Variants in MALRD1 observed in about 807,000 individuals in gnomAD.
MALRD1 encodes MAM and LDL receptor class A domain containing 1.
A neutral mutation model predicts 242.1 loss-of-function variants in MALRD1; 247 were observed. The observed-to-expected ratio is 1.02, with a 90% CI of 0.92 to 1.13. MALRD1 has a LOEUF of 1.13. MALRD1 is among the 50% of genes most tolerant of loss of function. The pLI is 0.00. For missense variants in MALRD1, 2,989 were observed against 2,533.1 expected (o/e 1.18, Z -3.86); for synonymous variants, 995 against 866.6 (o/e 1.15, Z -2.60).
chr10:19,695,566 C>A (rs1375835082), intron 38 of MALRD1, among the ~76,000 whole-genome samples: 2 of 144,950 alleles, frequency 1.4e-5, no homozygotes, highest in East Asian at 2.0e-4. Flanking sequence ...GTTGCCCAGG[C>A]TGGAGTGCAG....
Position 19,136,592 on chromosome 10 carries a change from C to G in MALRD1, c.1222C>G (p.Leu408Val), listed in dbSNP as rs546836877. Residue 408 changes from leucine to valine, a missense_variant, in exon 10 of 40, where the codon CTT becomes GTT. By Grantham distance (32) the Leu-to-Val change is conservative. Coordinates refer to ENST00000454679, the MANE Select transcript of MALRD1 (RefSeq NM_001142308.3). ...CCTAAAGATTATTTTTGAAGGGACT[C>G]TTTTGAGCCAGAGAAGTTTTATTGC... ...KTFKIIFEGT[L>V]LSQRSFIALD... is the part of the protein sequence containing the mutation. 9 of 1,231,314 alleles carry G rather than the reference C, an allele frequency of 7.3e-6. No individual in the cohort carries two copies. The highest frequency in any genetic ancestry group is 6.3e-5 in the East Asian group (2 of 31,712). The allele number at this position is 1,231,314 out of a possible 1,614,324, so 76.3% of individuals were successfully genotyped here.
At chr10:19,366,508 T>A (rs1288310857) in intron 26 of MALRD1, among the ~76,000 whole-genome samples, 1 of 152,166 alleles carries the variant, frequency 6.6e-6, no homozygotes, top group Non-Finnish European at 1.5e-5. Context: ...TACCAGTCTG[T>A]GGCCCAGGGT....
At chr10:19,525,390 C>T (rs1834061176) in intron 31 of MALRD1, among the ~76,000 whole-genome samples, 1 of 152,018 alleles carries the variant, frequency 6.6e-6, no homozygotes, top group Non-Finnish European at 1.5e-5. Context: ...AAAAAATGTC[C>T]ATGAAGCATA....
At chr10:19,685,330 C>T (rs11011072) in intron 36 of MALRD1, among the ~76,000 whole-genome samples, 47,300 of 152,094 alleles carry the variant, frequency 0.31, 8,081 homozygotes, top group Admixed American at 0.44. Context: ...ATTCCCCAGC[C>T]GTGGCTTGTC....
intron 36 of MALRD1, among the ~76,000 whole-genome samples, chr10:19,641,201 A>T (rs1840371261): frequency 6.6e-6 from 1 of 152,198 alleles, no homozygotes; most frequent in Non-Finnish European, 1.5e-5. Flanking sequence ...AGCTAGATAC[A>T]TAGTGACATT....
intron 24 of MALRD1, among the ~76,000 whole-genome samples, chr10:19,346,109 T>G (rs1844109193): frequency 6.6e-6 from 1 of 152,122 alleles, no homozygotes; most frequent in African/African-American, 2.4e-5. Context: ...ATTCTCCACC[T>G]TATAAACTAC....
chr10:19,634,726 T>C (rs1840052234), intron 36 of MALRD1, among the ~76,000 whole-genome samples: 1 of 152,122 alleles, frequency 6.6e-6, no homozygotes, highest in African/African-American at 2.4e-5. Flanking sequence ...CTCAACGTGG[T>C]TGCACAGCTA....
At chr10:19,202,984 C>T (rs1391818293) in intron 14 of MALRD1, among the ~76,000 whole-genome samples, 1 of 152,072 alleles carries the variant, frequency 6.6e-6, no homozygotes, top group Non-Finnish European at 1.5e-5. Flanking sequence ...TAATACCTTC[C>T]TATATGGCTG....
intron 18 of MALRD1, among the ~76,000 whole-genome samples, chr10:19,241,117 GA>G (rs1352204595): frequency 6.6e-6 from 1 of 152,072 alleles, no homozygotes; most frequent in East Asian, 1.9e-4. Context: ...TACTTTTGTG[GA>G]AAAGTTTGTG....
chr10:19,592,024 C>G (rs1405915494), intron 33 of MALRD1, among the ~76,000 whole-genome samples: 2 of 152,208 alleles, frequency 1.3e-5, no homozygotes, highest in Non-Finnish European at 2.9e-5. Flanking sequence ...ACTACCTAGA[C>G]TCTCTGTAGG....
At chr10:19,327,853 G>C (rs376632171) in intron 23 of MALRD1, among the ~76,000 whole-genome samples, 180 bp downstream of exon 23, 1 of 152,072 alleles carries the variant, frequency 6.6e-6, no homozygotes, top group Non-Finnish European at 1.5e-5. Flanking sequence ...GACAACTTCA[G>C]AATGCTCTAA....
chr10:19,226,198 C>A (rs11009011), intron 18 of MALRD1, among the ~76,000 whole-genome samples: 31,118 of 152,028 alleles, frequency 0.2, 3,434 homozygotes, highest in East Asian at 0.35. Context: ...CAACAACTGA[C>A]AATCTACCAT....
chr10:19,064,508 C>A (rs1466916036), intron 1 of MALRD1, among the ~76,000 whole-genome samples: 3 of 142,290 alleles, frequency 2.1e-5, no homozygotes, highest in African/African-American at 7.7e-5. Flanking sequence ...TTCAGGATTG[C>A]TTTTTTTTTT....
chr10:19,283,180 C>G lies in MALRD1; in HGVS notation c.3418C>G (p.Gln1140Glu). The G allele has an allele frequency of 3.9e-6, 6 of 1,526,698 alleles. No individual in the cohort carries two copies. Among genetic ancestry groups the G allele is most frequent in the Non-Finnish European group, 5.3e-6 (6 of 1,135,812 alleles). 94.6% of individuals were successfully genotyped at this position (1,526,698 alleles called of 1,614,324 possible). A position where few individuals can be genotyped will look rare whatever the true frequency, so the allele number is the denominator to read the frequency against. ...CCACAGGCCATCAGTGGATCATACA[C>G]AGTAAGTGACCATGTATTTTGAATA... ...ENHRPSVDHT[Q>E]NTTDGWYLYA... Residue 1140 changes from glutamine to glutamate, a missense_variant and splice_region_variant, in exon 21 of 40, where the codon CAA becomes GAA. Coordinates refer to ENST00000454679, the MANE Select transcript of MALRD1 (RefSeq NM_001142308.3).
intron 25 of MALRD1, among the ~76,000 whole-genome samples, chr10:19,350,005 T>A (rs1166086660): frequency 6.6e-6 from 1 of 152,130 alleles, no homozygotes; most frequent in Non-Finnish European, 1.5e-5. Flanking sequence ...ATTTTATGAA[T>A]ATTTATGATA....
intron 29 of MALRD1, among the ~76,000 whole-genome samples, chr10:19,461,581 C>G (rs1835946169): frequency 6.6e-6 from 1 of 152,106 alleles, no homozygotes; most frequent in Non-Finnish European, 1.5e-5. Flanking sequence ...GGGGCAGTGG[C>G]TCACATCTGT....
At chr10:19,695,744 T>C (rs1374230422) in intron 38 of MALRD1, among the ~76,000 whole-genome samples, 1 of 152,058 alleles carries the variant, frequency 6.6e-6, no homozygotes, top group Non-Finnish European at 1.5e-5. Flanking sequence ...CAGGTTGGTC[T>C]CAAACTCCTG....
chr10:19,424,073 G>A (rs1833815216), intron 28 of MALRD1, among the ~76,000 whole-genome samples: 1 of 152,112 alleles, frequency 6.6e-6, no homozygotes, highest in South Asian at 2.1e-4. Flanking sequence ...TCAGTTTAAT[G>A]AAAAAAATTG....
At chr10:19,369,132 TA>T (rs1331585362) in intron 26 of MALRD1, among the ~76,000 whole-genome samples, 1 of 133,498 alleles carries the variant, frequency 7.5e-6, no homozygotes, top group African/African-American at 2.8e-5. Flanking sequence ...AAATATTAAT[TA>T]TTTAAATTTA....
Sources: gnomAD v4.1 joint callset for allele counts (sites outside exome capture counted in the v4.1 genomes callset) on GRCh38, gnomAD v4.1.1 for gene constraint, MANE v1.5 for transcripts, NCBI Gene and HGNC (gene_info 2026-07-23, HGNC 2026-07-21) for gene names.